The following LEPR variants were observed in gnomAD, a reference collection of about 807,000 sequenced individuals.
LEPR encodes the protein OB receptor.
LEPR carries 56 observed loss-of-function variants against 114.7 expected under a neutral mutation model. That is an observed-to-expected ratio of 0.49 (90% CI 0.39 to 0.61). The LOEUF (loss-of-function observed/expected upper bound fraction) is 0.61, where lower values mean the gene tolerates loss of function less well. Ranked by LOEUF, LEPR falls within the 20% of genes least tolerant of loss-of-function variation. The pLI, the probability that LEPR is intolerant of heterozygous loss-of-function variation, is 0.00. For synonymous variants in LEPR, 443 were observed against 461.4 expected (o/e 0.96, Z 0.51); for missense variants, 1,202 against 1,352.9 (o/e 0.89, Z 1.75).
chr1:65,528,426 G>A (rs991546869), intron 2 of LEPR, among the ~76,000 whole-genome samples: 1 of 152,086 alleles, frequency 6.6e-6, no homozygotes, highest in Non-Finnish European at 1.5e-5. Context: ...TTATAGTTTG[G>A]AATATTCCTT....
chr1:65,442,963 T>C (rs921462603), intron 2 of LEPR, among the ~76,000 whole-genome samples: 2 of 152,156 alleles, frequency 1.3e-5, no homozygotes, highest in Admixed American at 1.3e-4. Context: ...GCCCCTATCT[T>C]GAGGACCTCA....
At chr1:65,632,436 T>A (rs1658560803) in intron 19 of LEPR, among the ~76,000 whole-genome samples, 1 of 152,174 alleles carries the variant, frequency 6.6e-6, no homozygotes, top group Non-Finnish European at 1.5e-5. Context: ...TCAGCTGAAC[T>A]TTGTCACAGC....
At chr1:65,512,382 T>G (rs1185687385) in intron 2 of LEPR, among the ~76,000 whole-genome samples, 1 of 152,168 alleles carries the variant, frequency 6.6e-6, no homozygotes, top group Non-Finnish European at 1.5e-5. Flanking sequence ...TATGTAGGAA[T>G]AGCTGCGTGA....
chr1:65,546,952 A>T (rs556138041), intron 2 of LEPR, among the ~76,000 whole-genome samples: 197 of 152,328 alleles, frequency 1.3e-3, no homozygotes, highest in African/African-American at 4.4e-3. Context: ...GATTTGTCAT[A>T]GATAGCTCAT....
At chr1:65,565,979 G>A (rs1217399875) in intron 3 of LEPR, among the ~76,000 whole-genome samples, 1 of 151,874 alleles carries the variant, frequency 6.6e-6, no homozygotes, top group Non-Finnish European at 1.5e-5. Context: ...CATTTAACAG[G>A]TTTCCAATTT....
chr1:65,490,999 T>G (rs1387234018), intron 2 of LEPR, among the ~76,000 whole-genome samples: 3 of 152,128 alleles, frequency 2.0e-5, no homozygotes, highest in Non-Finnish European at 4.4e-5. Flanking sequence ...GCCCATGGAT[T>G]TTTAATAATG....
At chr1:65,579,364 A>G (rs1288598776) in intron 5 of LEPR, among the ~76,000 whole-genome samples, 2 of 152,190 alleles carry the variant, frequency 1.3e-5, no homozygotes, top group Non-Finnish European at 2.9e-5. Context: ...GGGAGAGAAA[A>G]GTTGATAATC....
intron 2 of LEPR, chr1:65,433,475 C>G (rs1646516316): frequency 1.0e-6 from 1 of 985,148 alleles, no homozygotes; most frequent in Admixed American, 6.2e-5. Flanking sequence ...CAGAATACAA[C>G]CAATAGTCTT....
chr1:65,634,136 C>T (rs536214220), intron 19 of LEPR: 57 of 985,160 alleles, frequency 5.8e-5, no homozygotes, highest in South Asian at 4.2e-4. Context: ...ATTCAGCACA[C>T]GAATTATGCT....
At chr1:65,515,408 C>G (rs906289267) in intron 2 of LEPR, among the ~76,000 whole-genome samples, 3 of 152,146 alleles carry the variant, frequency 2.0e-5, no homozygotes, top group Admixed American at 1.3e-4. Context: ...ACTTAAATTC[C>G]TAGAAGGAAT....
intron 2 of LEPR, among the ~76,000 whole-genome samples, chr1:65,456,150 G>T (rs878910871): frequency 6.6e-6 from 1 of 152,064 alleles, no homozygotes; most frequent in Non-Finnish European, 1.5e-5. Context: ...CTCGTGCACG[G>T]TGCGCGCACC....
intron 2 of LEPR, among the ~76,000 whole-genome samples, chr1:65,472,444 ACG>A (rs1491136440): frequency 9.4e-5 from 13 of 137,840 alleles, no homozygotes; most frequent in African/African-American, 4.0e-4. Context: ...ACACACACAC[ACG>A]TGTGTATATA....
chr1:65,432,117 A>G (rs1482609264), intron 2 of LEPR: 4 of 1,266,772 alleles, frequency 3.2e-6, no homozygotes, highest in Non-Finnish European at 4.0e-6. Context: ...AATTTAGATT[A>G]TGTTACTCAA....
At chr1:65,617,822 AT>A in intron 15 of LEPR, 141 bp from the exon 16 acceptor site, 1 of 774,844 alleles carries the variant, frequency 1.3e-6, no homozygotes, top group Non-Finnish European at 1.9e-6. Flanking sequence ...TGCAAAAGTA[AT>A]TGTCATGTAT....
chr1:65,606,014 T>C (rs1656784148), intron 11 of LEPR, among the ~76,000 whole-genome samples: 2 of 152,138 alleles, frequency 1.3e-5, no homozygotes, highest in Admixed American at 1.3e-4. Context: ...GTAGGAAACA[T>C]GTTAGAATAA....
chr1:65,565,544 A>G lies in LEPR; in HGVS notation c.-20-2A>G. The stretch of plus-strand genomic sequence containing the variant: ...TTCTGATTTTAGATTTACCTTTTCC[A>G]GGTGTACTTCTCTGAAGTAAGATGA... On this transcript the variant is annotated splice_acceptor_variant, in intron 2 of 19. Coordinates refer to ENST00000349533, the MANE Select transcript of LEPR (RefSeq NM_002303.6). LOFTEE classifies it low-confidence loss of function (5UTR_SPLICE). 1 of 1,613,728 alleles carries G rather than the reference A, an allele frequency of 6.2e-7. No individual in the cohort carries two copies. Among genetic ancestry groups the G allele is most frequent in the East Asian group, 2.2e-5 (1 of 44,786 alleles).
At chr1:65,481,928 A>G (rs1255477290) in intron 2 of LEPR, among the ~76,000 whole-genome samples, 1 of 151,852 alleles carries the variant, frequency 6.6e-6, no homozygotes, top group Non-Finnish European at 1.5e-5. Flanking sequence ...CATTTTAGAA[A>G]TTTTATATGA....
intron 2 of LEPR, among the ~76,000 whole-genome samples, chr1:65,540,560 C>A (rs1381598361): frequency 6.6e-6 from 1 of 152,172 alleles, no homozygotes; most frequent in Non-Finnish European, 1.5e-5. Context: ...CTGTAAGCTT[C>A]TTGAGGCCCT....
At chr1:65,444,593 G>C (rs1364742049) in intron 2 of LEPR, among the ~76,000 whole-genome samples, 1 of 136,690 alleles carries the variant, frequency 7.3e-6, no homozygotes, top group African/African-American at 2.6e-5. Context: ...GGCGGGGGGT[G>C]GGGTGGGGAG....
Sources: allele counts gnomAD v4.1 joint callset (sites outside exome capture counted in the v4.1 genomes callset), GRCh38; gene constraint gnomAD v4.1.1; transcripts MANE v1.5; gene names NCBI Gene and HGNC (gene_info 2026-07-23, HGNC 2026-07-21).